NOTCH2: variants seen among roughly 807,000 people sequenced by gnomAD.
NOTCH2 encodes neurogenic locus notch homolog protein 2.
Under a neutral mutation model 235.8 loss-of-function variants are expected in NOTCH2, and 29 were observed. The observed-to-expected ratio is 0.12, with a 90% CI of 0.09 to 0.17. NOTCH2 has a LOEUF of 0.17. Ranked by LOEUF, NOTCH2 falls within the 10% of genes least tolerant of loss-of-function variation. NOTCH2 has a pLI of 1.00. For missense variants in NOTCH2, 2,285 were observed against 3,150.2 expected, an observed-to-expected ratio of 0.73 and a Z score of 6.57; for synonymous variants, 1,086 against 1,141.5, an observed-to-expected ratio of 0.95 and a Z score of 0.98.
intron 12 of NOTCH2, 50 bp downstream of exon 12, chr1:119,959,342 C>G (rs1557822372): frequency 2.0e-6 from 2 of 986,634 alleles, no homozygotes; most frequent in Non-Finnish European, 1.6e-6. Context: ...ATGCTATATT[C>G]CCAAAGTGAT....
chr1:120,001,658 G>GA (rs1652756462), intron 3 of NOTCH2, among the ~76,000 whole-genome samples: 1 of 152,122 alleles, frequency 6.6e-6, no homozygotes, highest in Non-Finnish European at 1.5e-5. Context: ...GAAAAGGGCA[G>GA]ATGTTTGTCC....
At chr1:120,041,935 AAAAG>A (rs1156273984) in intron 1 of NOTCH2, among the ~76,000 whole-genome samples, 2 of 146,164 alleles carry the variant, frequency 1.4e-5, no homozygotes, top group South Asian at 2.2e-4. Flanking sequence ...GGAAGGAAGC[AAAAG>A]AAAGAAAGGA....
intron 23 of NOTCH2, among the ~76,000 whole-genome samples, chr1:119,926,935 C>T (rs950473291): frequency 6.6e-6 from 1 of 152,190 alleles, no homozygotes; most frequent in Non-Finnish European, 1.5e-5. Flanking sequence ...GTCATTTTAG[C>T]TTTCATAAGT....
At chr1:119,957,883 C>CACACACACACA (rs1491347411) in intron 12 of NOTCH2, among the ~76,000 whole-genome samples, 5 of 143,536 alleles carry the variant, frequency 3.5e-5, no homozygotes, top group Non-Finnish European at 7.6e-5. Context: ...CACACACACA[C>CACACACACACA]AACAGGCCCC....
intron 1 of NOTCH2, among the ~76,000 whole-genome samples, chr1:120,045,715 T>C (rs2101383088): frequency 6.6e-6 from 1 of 152,384 alleles, no homozygotes; most frequent in African/African-American, 2.4e-5. Flanking sequence ...AAGTATACAG[T>C]TTTTTAATTG....
At chr1:119,999,956 AAAGAAAGAAAGAAAGAAAGAAAGG>A (rs1228024606) in intron 3 of NOTCH2, among the ~76,000 whole-genome samples, 302 of 134,116 alleles carry the variant, frequency 2.3e-3, no homozygotes, top group East Asian at 5.2e-3. Context: ...AGAAAGAAAG[AAAGAAAGAAAGAAAGAAAGAAAGG>A]AAGGAAGGAA....
At position 119,918,515 on chromosome 1, in the gene NOTCH2, C is replaced by T; in HGVS notation, c.5820G>A (p.Arg1940=). 1 of 1,614,150 alleles carries T rather than the reference C, an allele frequency of 6.2e-7. No homozygotes were observed. Among genetic ancestry groups the T allele is most frequent in the Admixed American group, 1.7e-5 (1 of 60,020 alleles). The change falls in exon 32 of 34, where the codon AGG becomes AGA. Residue 1940 remains arginine (R), a synonymous_variant. Coordinates refer to ENST00000256646, the MANE Select transcript of NOTCH2 (RefSeq NM_024408.4). ...TCAGGGGTGTAGTACCATCATTCAT[C>T]CTGGCATCTAGATCAGTTACTCGGT... The part of the protein sequence containing the change: ...IRNRVTDLDA[R]MNDGTTPLIL...
chr1:119,953,077 C>T (rs1445166000), intron 14 of NOTCH2, among the ~76,000 whole-genome samples: 2 of 152,100 alleles, frequency 1.3e-5, no homozygotes, highest in African/African-American at 4.8e-5. Context: ...TTTGAGAGGC[C>T]GAGGTGGGCA....
chr1:120,006,173 A>G (rs1652968805), intron 2 of NOTCH2, among the ~76,000 whole-genome samples: 1 of 151,988 alleles, frequency 6.6e-6, no homozygotes, highest in Admixed American at 6.6e-5. Flanking sequence ...GGTTATGTTC[A>G]GGTGGCTGAC....
intron 23 of NOTCH2, among the ~76,000 whole-genome samples, chr1:119,927,746 T>C (rs778358244): frequency 1.9e-4 from 29 of 152,222 alleles, no homozygotes; most frequent in Non-Finnish European, 2.9e-4. Context: ...TACGAGGCTG[T>C]AGACAGATTA....
rs368502338 is a variant in NOTCH2, at chr1:120,048,400, A to G, written c.74-18413T>C. 4.4e-4 allele frequency among the ~76,000 whole-genome samples: 60 copies of G among 135,592 alleles called. 1 individual carries two copies. Among genetic ancestry groups the G allele is most frequent in the Admixed American group, 1.4e-3 (20 of 14,142 alleles). 89.0% of individuals were successfully genotyped at this position (135,592 alleles called of 152,430 possible). On this transcript the variant is annotated intron_variant, in intron 1 of 33. Coordinates refer to ENST00000256646, the MANE Select transcript of NOTCH2 (RefSeq NM_024408.4). ...AGTGTAAAAAACAATGGACTAAAGC[A>G]TGCAGTAAAGAATGTGGCTTGGCAA...
intron 12 of NOTCH2, among the ~76,000 whole-genome samples, chr1:119,958,302 T>C (rs1650788834): frequency 6.6e-6 from 1 of 152,228 alleles, no homozygotes; most frequent in Admixed American, 6.5e-5. Flanking sequence ...CAGGGATCAC[T>C]GTGACCCATT....
chr1:119,934,294 A>G (rs1361914379), intron 22 of NOTCH2, among the ~76,000 whole-genome samples: 1 of 152,184 alleles, frequency 6.6e-6, no homozygotes. Flanking sequence ...AGCCTATAGA[A>G]CTGCGAGCCA....
chr1:119,985,176 G>A (rs181709598), intron 5 of NOTCH2, among the ~76,000 whole-genome samples: 44 of 152,098 alleles, frequency 2.9e-4, no homozygotes, highest in Non-Finnish European at 6.0e-4. Flanking sequence ...GTTGATGATG[G>A]GCAGGGCAAA....
intron 18 of NOTCH2, 36 bp downstream of exon 18, chr1:119,941,490 C>A: frequency 3.4e-6 from 5 of 1,455,550 alleles, no homozygotes; most frequent in South Asian, 1.1e-5. Context: ...CCCTTTCTCT[C>A]GTAAGATGCT....
At chr1:120,026,365 TTTC>T (rs1237287419) in intron 2 of NOTCH2, among the ~76,000 whole-genome samples, 4 of 152,148 alleles carry the variant, frequency 2.6e-5, no homozygotes, top group African/African-American at 9.6e-5. Context: ...TGGCTTCAAC[TTTC>T]TTTTCTTAAT....
Position 119,948,993 on chromosome 1 carries a change from AC to A in NOTCH2, c.2599+13del. The A allele has an allele frequency of 1.2e-6, 2 of 1,614,072 alleles. No individual in the cohort carries two copies. The highest frequency in any genetic ancestry group is 1.6e-4 in the Middle Eastern group (1 of 6,062). On this transcript the variant is annotated intron_variant, in intron 16 of 33. Transcript: ENST00000256646. ...GAATGCATGTTCTTGGCTTCTCCAC[AC>A]CCATGTTCTTACCTTGCCAGCCAGG...
intron 5 of NOTCH2, among the ~76,000 whole-genome samples, chr1:119,975,386 G>A (rs1040526755): frequency 1.3e-5 from 2 of 152,148 alleles, no homozygotes; most frequent in Non-Finnish European, 2.9e-5. Context: ...GGTGGCTCAC[G>A]CCTATAATTC....
At chr1:119,987,448 G>C (rs1553202363) in intron 4 of NOTCH2, among the ~76,000 whole-genome samples, 1 of 152,124 alleles carries the variant, frequency 6.6e-6, no homozygotes, top group African/African-American at 2.4e-5. Context: ...AGACTAATGG[G>C]AAGAACAGAT....
Sources: allele counts gnomAD v4.1 joint callset (sites outside exome capture counted in the v4.1 genomes callset), GRCh38; gene constraint gnomAD v4.1.1; transcripts MANE v1.5; gene names NCBI Gene and HGNC (gene_info 2026-07-23, HGNC 2026-07-21).